The following SLIT2 variants were observed in gnomAD, a reference collection of about 807,000 sequenced individuals.
SLIT2 encodes the protein slit guidance ligand 2, also known as slit homolog 2 protein.
SLIT2 carries 41 observed loss-of-function variants against 185.7 expected under a neutral mutation model. That is an observed-to-expected ratio of 0.22 (90% CI 0.17 to 0.29). The LOEUF is 0.29. Ranked by LOEUF, SLIT2 falls within the 10% of genes least tolerant of loss-of-function variation. SLIT2 has a pLI of 1.00. For synonymous variants in SLIT2, 693 were observed against 680.2 expected, an observed-to-expected ratio of 1.02 and a Z score of -0.29; for missense variants, 1,571 against 1,909.0, an observed-to-expected ratio of 0.82 and a Z score of 3.30.
At chr4:20,558,229 C>G (rs1391243283) in intron 26 of SLIT2, among the ~76,000 whole-genome samples, 1 of 152,034 alleles carries the variant, frequency 6.6e-6, no homozygotes, top group African/African-American at 2.4e-5. Context: ...CAAACAGCAT[C>G]ACATACTACA....
intron 4 of SLIT2, among the ~76,000 whole-genome samples, chr4:20,429,844 G>A (rs1275958502): frequency 1.3e-5 from 2 of 152,134 alleles, no homozygotes; most frequent in East Asian, 3.9e-4. Flanking sequence ...AAGCTGGAGG[G>A]TGAAGAGGAA....
chr4:20,461,714 G>A (rs2148730788), intron 4 of SLIT2, among the ~76,000 whole-genome samples: 2 of 152,302 alleles, frequency 1.3e-5, no homozygotes, highest in Non-Finnish European at 2.9e-5. Context: ...AGAAGATTGT[G>A]ATATGTCAGT....
At chr4:20,465,832 C>A (rs116391186) in intron 4 of SLIT2, among the ~76,000 whole-genome samples, 2,461 of 152,148 alleles carry the variant, frequency 0.016, 60 homozygotes, top group African/African-American at 0.056. Context: ...AGGGACTGAG[C>A]AGAACTGAGG....
chr4:20,595,474 T>TGTC (rs1553847971), intron 30 of SLIT2, among the ~76,000 whole-genome samples: 3 of 151,560 alleles, frequency 2.0e-5, no homozygotes, highest in African/African-American at 7.3e-5. Context: ...GGATGTTCAC[T>TGTC]ATCAAGGAGA....
rs575747321 is a variant in SLIT2 at position 20,460,504 on chromosome 4, C to T, written c.396-7248C>T. ...CTGAGAACCTAATCCACTCTCTTAG[C>T]GTTTGTCAGGAATATGATATATTGT... is the stretch of plus-strand genomic sequence containing the variant. On this transcript the variant is annotated intron_variant, in intron 4 of 36. Transcript: ENST00000504154. Among the ~76,000 whole-genome samples, 20 of 152,260 alleles carry T rather than the reference C, an allele frequency of 1.3e-4. No homozygotes were observed. In the South Asian group the frequency reaches 1.7e-3, roughly 13 times the overall value.
chr4:20,417,997 A>G (rs187302714), intron 4 of SLIT2, among the ~76,000 whole-genome samples: 1 of 152,126 alleles, frequency 6.6e-6, no homozygotes, highest in Admixed American at 6.6e-5. Flanking sequence ...TTTCCACTGT[A>G]TGAAATGATC....
intron 3 of SLIT2, among the ~76,000 whole-genome samples, chr4:20,262,076 T>C (rs1186680341): frequency 6.6e-6 from 1 of 151,862 alleles, no homozygotes; most frequent in Non-Finnish European, 1.5e-5. Flanking sequence ...GTCAAGCTGT[T>C]AACTTAGACA....
chr4:20,483,475 C>A (rs558248713), intron 6 of SLIT2, among the ~76,000 whole-genome samples: 3 of 152,022 alleles, frequency 2.0e-5, no homozygotes, highest in African/African-American at 7.2e-5. Context: ...AAATCTTGAT[C>A]AGTATTTTCC....
chr4:20,514,748 C>T (rs1214421844), intron 11 of SLIT2, among the ~76,000 whole-genome samples: 1 of 147,230 alleles, frequency 6.8e-6, no homozygotes, highest in East Asian at 2.1e-4. Context: ...GCCTCTCCTA[C>T]TAAGAAATCC....
intron 29 of SLIT2, among the ~76,000 whole-genome samples, chr4:20,579,629 A>G (rs1726368238): frequency 6.6e-6 from 1 of 152,032 alleles, no homozygotes; most frequent in South Asian, 2.1e-4. Context: ...TAGATCTAGC[A>G]CAAAAAATTT....
At chr4:20,511,010 C>A in intron 10 of SLIT2, 56 bp from the exon 11 acceptor site, 1 of 1,110,528 alleles carries the variant, frequency 9.0e-7, no homozygotes, top group Non-Finnish European at 1.4e-6. Context: ...GCTTTTTCCG[C>A]AGTAAATCTC....
rs1491306590 is a variant in SLIT2 at position 20,472,596 on chromosome 4, ATC to A, written c.467+4775_467+4776del. 4.6e-4 allele frequency among the ~76,000 whole-genome samples: 8 copies of A among 17,502 alleles called. 3 individuals carry two copies. The highest frequency in any genetic ancestry group is 4.0e-3 in the African/African-American group (8 of 2,010). The allele number at this position is 17,502 out of a possible 152,430, so 11.5% of individuals were successfully genotyped here. A position where few individuals can be genotyped will look rare whatever the true frequency, so the allele number is the denominator to read the frequency against. On this transcript the variant is annotated intron_variant, in intron 5 of 36. Transcript: ENST00000504154. The stretch of plus-strand genomic sequence containing the variant: ...TAGATATATCTATATATAGATATAT[ATC>A]TATAGATATATCTATATATATCGAT...
intron 4 of SLIT2, among the ~76,000 whole-genome samples, chr4:20,326,829 G>T (rs1440532799): frequency 1.6e-5 from 2 of 124,964 alleles, no homozygotes; most frequent in African/African-American, 6.1e-5. Flanking sequence ...CTTAGAATGT[G>T]TCTTCTTTTC....
At chr4:20,598,909 C>G (rs1728197447) in intron 33 of SLIT2, among the ~76,000 whole-genome samples, 1 of 152,142 alleles carries the variant, frequency 6.6e-6, no homozygotes, top group African/African-American at 2.4e-5. Context: ...TCTATAGACT[C>G]TAGTAATGTA....
intron 26 of SLIT2, 61 bp from the exon 27 acceptor site, chr4:20,567,201 C>T (rs1481137774): frequency 4.9e-6 from 7 of 1,418,028 alleles, no homozygotes; most frequent in African/African-American, 2.9e-5. Flanking sequence ...TTAAGGCATA[C>T]AAGTAATTAA....
At chr4:20,554,705 G>C (rs1724090172) in intron 26 of SLIT2, among the ~76,000 whole-genome samples, 1 of 151,842 alleles carries the variant, frequency 6.6e-6, no homozygotes, top group Non-Finnish European at 1.5e-5. Context: ...CTTATAAAAA[G>C]TGGGATAAAG....
chr4:20,301,801 A>G (rs1249647404), intron 4 of SLIT2, among the ~76,000 whole-genome samples: 3 of 152,202 alleles, frequency 2.0e-5, no homozygotes, highest in Non-Finnish European at 4.4e-5. Flanking sequence ...CAACAGTACC[A>G]TTTATAATTA....
At chr4:20,542,397 C>A in intron 20 of SLIT2, 97 bp from the exon 21 acceptor site, 2 of 1,136,312 alleles carry the variant, frequency 1.8e-6, no homozygotes, top group Non-Finnish European at 2.6e-6. Flanking sequence ...TAGCTTAAGA[C>A]TCTTGTGTTT....
chr4:20,339,111 AAG>A lies in SLIT2; in HGVS notation c.395+70232_395+70233del, dbSNP rs1455338585. Among the ~76,000 whole-genome samples, 34 of 150,478 alleles carry A rather than the reference AAG, an allele frequency of 2.3e-4. No homozygotes were observed. The East Asian group carries it at 5.3e-3, about 23-fold the overall frequency. On this transcript the variant is annotated intron_variant, in intron 4 of 36. Coordinates refer to ENST00000504154, the MANE Select transcript of SLIT2 (RefSeq NM_004787.4). The stretch of plus-strand genomic sequence containing the variant: ...CTCTCAAAAAAAAAAAAAAAAAAAA[AAG>A]AAAGACATTGTAATGATTAAATATT...
Sources: allele counts gnomAD v4.1 joint callset (sites outside exome capture counted in the v4.1 genomes callset), GRCh38; gene constraint gnomAD v4.1.1; transcripts MANE v1.5; gene names NCBI Gene and HGNC (gene_info 2026-07-23, HGNC 2026-07-21).